The following PTPRK variants were observed in gnomAD, a reference collection of about 807,000 sequenced individuals.
PTPRK encodes the protein protein tyrosine phosphatase receptor type K, also known as receptor-type tyrosine-protein phosphatase kappa.
Under a neutral mutation model 178.0 loss-of-function variants are expected in PTPRK, and 75 were observed. That is an observed-to-expected ratio of 0.42 (90% CI 0.35 to 0.51). The LOEUF (loss-of-function observed/expected upper bound fraction) is 0.51, where lower values mean the gene tolerates loss of function less well. PTPRK is among the 20% of genes least tolerant of loss of function. PTPRK has a pLI of 0.02. For synonymous variants in PTPRK, 637 were observed against 620.6 expected (o/e 1.03, Z -0.39); for missense variants, 1,441 against 1,797.8 (o/e 0.80, Z 3.59).
chr6:128,302,290 G>A (rs374524540), intron 3 of PTPRK, among the ~76,000 whole-genome samples: 3 of 151,116 alleles, frequency 2.0e-5, no homozygotes, highest in African/African-American at 7.3e-5. Flanking sequence ...TACTAGGGAG[G>A]CTGCGGCATA....
chr6:127,976,787 A>G lies in PTPRK; in HGVS notation c.3844-5T>C, dbSNP rs565709072. 1 of 1,611,274 alleles carries G rather than the reference A, an allele frequency of 6.2e-7. No individual in the cohort carries two copies. Among genetic ancestry groups the G allele is most frequent in the South Asian group, 1.1e-5 (1 of 90,660 alleles). ...TGGCCAGTACTGAGGGCAGCCCTAA[A>G]TGATGAACGTTTTGAAAGAAAAAAA... On this transcript the variant is annotated splice_region_variant and splice_polypyrimidine_tract_variant and intron_variant, in intron 26 of 29. Coordinates refer to ENST00000368226, the MANE Select transcript of PTPRK (RefSeq NM_002844.4).
chr6:128,297,006 C>T (rs1340521867), intron 3 of PTPRK, among the ~76,000 whole-genome samples: 16 of 151,382 alleles, frequency 1.1e-4, no homozygotes, highest in Non-Finnish European at 2.2e-4. Context: ...CACACATAGG[C>T]TCAAAATAAA....
Position 128,101,881 on chromosome 6 carries a change from A to C in PTPRK, c.1163-11889T>G, listed in dbSNP as rs776099425. Among the ~76,000 whole-genome samples, 4 of 152,174 alleles carry C rather than the reference A, an allele frequency of 2.6e-5. No individual in the cohort carries two copies. In the East Asian group the frequency reaches 7.7e-4, roughly 29 times the overall value. The stretch of plus-strand genomic sequence containing the variant: ...CCACTATTGATCTCCCTATTGAAAC[A>C]CTTCAATGTAGAGTTGGAATATACT... On this transcript the variant is annotated intron_variant, in intron 7 of 29. Transcript: ENST00000368226.
intron 1 of PTPRK, among the ~76,000 whole-genome samples, chr6:128,493,230 A>T (rs57635035): frequency 6.6e-6 from 1 of 152,150 alleles, no homozygotes; most frequent in African/African-American, 2.4e-5. Flanking sequence ...ATTTTTAAAA[A>T]TTTATTACAT....
Position 128,520,281 on chromosome 6 carries a change from C to G in PTPRK, c.78G>C (p.Ser26=). ...LLLSPWPLLG[S]AQGQFSAGGC... The stretch of plus-strand genomic sequence containing the variant: ...CACCTGCGGAGAACTGGCCTTGGGC[C>G]GATCCCAGGAGAGGCCAAGGAGAGA... Residue 26 remains serine, a synonymous_variant, in exon 1 of 30, where the codon TCG becomes TCC. Transcript: ENST00000368226. 4 of 1,604,712 alleles carry G rather than the reference C, an allele frequency of 2.5e-6. No individual in the cohort carries two copies. The highest frequency in any genetic ancestry group is 1.7e-5 in the Admixed American group (1 of 59,032).
At chr6:128,295,412 T>A (rs1000968493) in intron 3 of PTPRK, among the ~76,000 whole-genome samples, 3 of 152,018 alleles carry the variant, frequency 2.0e-5, no homozygotes, top group African/African-American at 7.2e-5. Flanking sequence ...GATTTTTTTT[T>A]AAATTGGTGC....
intron 1 of PTPRK, among the ~76,000 whole-genome samples, chr6:128,423,381 A>G (rs769034113): frequency 4.6e-5 from 7 of 151,944 alleles, no homozygotes; most frequent in Non-Finnish European, 8.8e-5. Flanking sequence ...TTGAATCTAT[A>G]TTTGTTTTGG....
chr6:128,237,538 C>T (rs1813515168), intron 5 of PTPRK, among the ~76,000 whole-genome samples: 1 of 152,146 alleles, frequency 6.6e-6, no homozygotes, highest in East Asian at 1.9e-4. Flanking sequence ...CCAAAAATAA[C>T]GTAAAGACCT....
intron 7 of PTPRK, among the ~76,000 whole-genome samples, chr6:128,181,527 T>C (rs1374423619): frequency 1.3e-5 from 2 of 152,104 alleles, no homozygotes. Flanking sequence ...ATAGAACCAG[T>C]ATTTAGGCAT....
intron 7 of PTPRK, among the ~76,000 whole-genome samples, chr6:128,106,306 TTTG>T (rs1789711499): frequency 6.6e-6 from 1 of 152,132 alleles, no homozygotes; most frequent in Non-Finnish European, 1.5e-5. Flanking sequence ...ATCGTTTAGT[TTTG>T]TTGTTGTTTC....
At chr6:128,423,018 C>T (rs1255711548) in intron 1 of PTPRK, among the ~76,000 whole-genome samples, 1 of 152,170 alleles carries the variant, frequency 6.6e-6, no homozygotes, top group Non-Finnish European at 1.5e-5. Flanking sequence ...AAAGAAGAAA[C>T]TATTTGTAAT....
intron 3 of PTPRK, among the ~76,000 whole-genome samples, chr6:128,270,950 T>TA (rs927088200): frequency 5.1e-4 from 77 of 149,706 alleles, no homozygotes; most frequent in African/African-American, 1.8e-3. Context: ...GCTAAGGTCT[T>TA]AAAAAAAAAA....
chr6:128,314,065 T>G (rs1025967569), intron 3 of PTPRK, among the ~76,000 whole-genome samples: 2 of 152,120 alleles, frequency 1.3e-5, no homozygotes, highest in African/African-American at 4.8e-5. Context: ...GGTCCTTGGT[T>G]TTTTTCTGTC....
At chr6:128,269,147 T>C (rs1471353882) in intron 3 of PTPRK, among the ~76,000 whole-genome samples, 3 of 151,974 alleles carry the variant, frequency 2.0e-5, no homozygotes, top group Admixed American at 6.6e-5. Context: ...TGATAAGGGT[T>C]TAAGGGGCAA....
intron 6 of PTPRK, among the ~76,000 whole-genome samples, chr6:128,215,009 G>C (rs551239483): frequency 6.6e-6 from 1 of 152,250 alleles, no homozygotes; most frequent in African/African-American, 2.4e-5. Context: ...TCTGTGTCCA[G>C]AGCATTTTGA....
intron 7 of PTPRK, among the ~76,000 whole-genome samples, chr6:128,140,645 CATT>C (rs1299634869): frequency 6.6e-6 from 1 of 151,882 alleles, no homozygotes; most frequent in Non-Finnish European, 1.5e-5. Context: ...TTATCATCAT[CATT>C]GTCGTCATCA....
chr6:127,983,438 A>G, intron 22 of PTPRK, 61 bp from the exon 23 acceptor site: 2 of 1,561,106 alleles, frequency 1.3e-6, no homozygotes, highest in Non-Finnish European at 8.7e-7. Context: ...AACCTTAAAT[A>G]AGGACTTTTT....
At chr6:128,285,610 A>G (rs1378251972) in intron 3 of PTPRK, among the ~76,000 whole-genome samples, 1 of 151,806 alleles carries the variant, frequency 6.6e-6, no homozygotes, top group African/African-American at 2.4e-5. Flanking sequence ...GGAGGTGGAG[A>G]CCAGCCTGGC....
chr6:128,017,802 GTATATATA>G (rs34836605), intron 13 of PTPRK, among the ~76,000 whole-genome samples: 9,216 of 101,222 alleles, frequency 0.091, 589 homozygotes, highest in African/African-American at 0.18. Flanking sequence ...ATATATATGT[GTATATATA>G]TATATATATA....
Sources: allele counts gnomAD v4.1 joint callset (sites outside exome capture counted in the v4.1 genomes callset), GRCh38; gene constraint gnomAD v4.1.1; transcripts MANE v1.5; gene names NCBI Gene and HGNC (gene_info 2026-07-23, HGNC 2026-07-21).